The following EYA2 variants were observed in gnomAD, a reference collection of about 807,000 sequenced individuals.
EYA2 encodes the protein protein phosphatase EYA2.
Under a neutral mutation model 69.2 loss-of-function variants are expected in EYA2, and 31 were observed. The ratio of observed to expected loss-of-function variants is 0.45; its 90% CI spans 0.34 to 0.60. The LOEUF is 0.60. EYA2 is among the 20% of genes least tolerant of loss of function. The pLI is 0.02. For synonymous variants in EYA2, 257 were observed against 279.4 expected, an observed-to-expected ratio of 0.92 and a Z score of 0.80; for missense variants, 622 against 701.2, an observed-to-expected ratio of 0.89 and a Z score of 1.28.
chr20:47,097,554 G>A (rs549458324), intron 9 of EYA2, among the ~76,000 whole-genome samples: 40 of 152,290 alleles, frequency 2.6e-4, no homozygotes, highest in Non-Finnish European at 4.6e-4. Context: ...AGTGTCTCCG[G>A]CAGATGAATT....
rs1425427716 is a variant in EYA2, at chr20:47,188,384, T to C, written c.*251T>C. 3.4e-6 allele frequency: 2 copies of C among 583,348 alleles called. No individual in the cohort carries two copies. The highest frequency in any genetic ancestry group is 3.0e-5 in the Admixed American group (1 of 33,800). 36.1% of individuals were successfully genotyped at this position (583,348 alleles called of 1,614,324 possible). ...AGGGCTGGCTCGGAGTCTAGACTCT[T>C]CTGTAAGACTCACAGAACAAAAGCA... On this transcript the variant is annotated 3_prime_UTR_variant, in exon 16 of 16. Transcript: ENST00000327619.
chr20:47,152,752 G>A (rs145211084), intron 10 of EYA2, among the ~76,000 whole-genome samples: 2,700 of 151,262 alleles, frequency 0.018, 80 homozygotes, highest in African/African-American at 0.061. Context: ...CAATGGTCGC[G>A]GTGAGCCGAG....
intron 1 of EYA2, among the ~76,000 whole-genome samples, chr20:46,930,678 G>T (rs935786089): frequency 6.6e-6 from 1 of 152,150 alleles, no homozygotes; most frequent in Non-Finnish European, 1.5e-5. Flanking sequence ...CTAAAAAAAG[G>T]CACACTTGCA....
intron 2 of EYA2, among the ~76,000 whole-genome samples, chr20:46,999,885 G>T (rs2146342993): frequency 6.6e-6 from 1 of 152,312 alleles, no homozygotes; most frequent in East Asian, 1.9e-4. Flanking sequence ...CGTGCTCAGA[G>T]CGCTGTTGTG....
rs191107991 is a variant in EYA2, at chr20:47,137,305, C to T, written c.889-5754C>T. 1.4e-4 allele frequency among the ~76,000 whole-genome samples: 22 copies of T among 152,160 alleles called. 1 individual carries two copies. In the East Asian group the frequency reaches 3.9e-3, roughly 27 times the overall value. ...TGATGTGGGGTCTTCCTGCTGGGTTCGCAGAAACGATTCTTTGCTTAAAGG... is the reference window on the plus strand; with the variant it reads ...TGATGTGGGGTCTTCCTGCTGGGTTTGCAGAAACGATTCTTTGCTTAAAGG... On this transcript the variant is annotated intron_variant, in intron 9 of 15. Coordinates refer to ENST00000327619, the MANE Select transcript of EYA2 (RefSeq NM_005244.5).
rs758321256 is a variant in EYA2 at position 47,169,211 on chromosome 20, G to A, written c.1037+14G>A. On this transcript the variant is annotated intron_variant, in intron 11 of 15. Transcript: ENST00000327619. ...CCAAGATTTAAGGTGGGAATTTGGGGAGTCAAAAATGCCCATTGATTGATT... is the reference window on the plus strand; with the variant it reads ...CCAAGATTTAAGGTGGGAATTTGGGAAGTCAAAAATGCCCATTGATTGATT... The A allele has an allele frequency of 6.2e-7, 1 of 1,612,966 alleles. No homozygotes were observed. The highest frequency in any genetic ancestry group is 1.3e-5 in the African/African-American group (1 of 74,986).
chr20:46,981,229 T>C (rs2146313223), intron 1 of EYA2, among the ~76,000 whole-genome samples: 1 of 152,326 alleles, frequency 6.6e-6, no homozygotes, highest in Non-Finnish European at 1.5e-5. Context: ...TCAGGAAAAT[T>C]GCCTGGTGTA....
intron 12 of EYA2, among the ~76,000 whole-genome samples, chr20:47,178,867 G>A (rs942996177): frequency 1.8e-5 from 2 of 111,504 alleles, no homozygotes; most frequent in Non-Finnish European, 3.8e-5. Context: ...TAGATACGTG[G>A]GTAGGTGGAT....
At chr20:46,996,631 C>T (rs1982038120) in intron 2 of EYA2, among the ~76,000 whole-genome samples, 1 of 152,102 alleles carries the variant, frequency 6.6e-6, no homozygotes, top group African/African-American at 2.4e-5. Context: ...CAGGAGGCTT[C>T]GGGTCCATAA....
Position 47,156,061 on chromosome 20 carries a change from CATACACACACACACACAT to C in EYA2, c.978+12917_978+12934del, listed in dbSNP as rs2146621874. On this transcript the variant is annotated intron_variant, in intron 10 of 15. Transcript: ENST00000327619. The stretch of plus-strand genomic sequence containing the variant: ...ACACACACACACACACATATATATA[CATACACACACACACACAT>C]ATATATACATACACACACACACACA... 2.6e-5 allele frequency among the ~76,000 whole-genome samples: 2 copies of C among 78,116 alleles called. 1 individual carries two copies. The highest frequency in any genetic ancestry group is 8.1e-4 in the South Asian group (2 of 2,468). 51.2% of individuals were successfully genotyped at this position (78,116 alleles called of 152,430 possible). A position where few individuals can be genotyped will look rare whatever the true frequency, so the allele number is the denominator to read the frequency against.
intron 4 of EYA2, among the ~76,000 whole-genome samples, chr20:47,007,452 A>G (rs1982785979): frequency 6.6e-6 from 1 of 152,132 alleles, no homozygotes; most frequent in South Asian, 2.1e-4. Flanking sequence ...TGAGAAGACT[A>G]ATGGCTGGAG....
At chr20:47,130,659 C>A (rs1482525169) in intron 9 of EYA2, among the ~76,000 whole-genome samples, 1 of 152,174 alleles carries the variant, frequency 6.6e-6, no homozygotes, top group Non-Finnish European at 1.5e-5. Context: ...GATACTACCA[C>A]CCACTTCTCA....
At chr20:46,976,587 G>T (rs1051142278) in intron 1 of EYA2, among the ~76,000 whole-genome samples, 1 of 152,102 alleles carries the variant, frequency 6.6e-6, no homozygotes, top group African/African-American at 2.4e-5. Context: ...GGGTTTCACC[G>T]TGTTAGCCAG....
intron 5 of EYA2, among the ~76,000 whole-genome samples, chr20:47,022,470 C>T (rs1983811968): frequency 6.6e-6 from 1 of 151,812 alleles, no homozygotes; most frequent in African/African-American, 2.4e-5. Flanking sequence ...CCTGCCACCA[C>T]ACCTGGCTAA....
At chr20:47,087,411 G>T (rs551678876) in intron 7 of EYA2, among the ~76,000 whole-genome samples, 7 of 152,320 alleles carry the variant, frequency 4.6e-5, no homozygotes, top group South Asian at 4.1e-4. Context: ...GAAGGTTCAC[G>T]CTGTTTTACA....
intron 5 of EYA2, among the ~76,000 whole-genome samples, chr20:47,066,529 C>T (rs73909623): frequency 3.6e-3 from 546 of 152,238 alleles, no homozygotes; most frequent in African/African-American, 0.012. Context: ...AGTCTGCAAA[C>T]GTGATGGGGG....
At chr20:47,049,598 C>T (rs757378378) in intron 5 of EYA2, among the ~76,000 whole-genome samples, 22 of 55,638 alleles carry the variant, frequency 4.0e-4, no homozygotes, top group Admixed American at 1.9e-4. Context: ...TGTGACACCC[C>T]CTGCTCCATG....
intron 9 of EYA2, among the ~76,000 whole-genome samples, chr20:47,105,773 C>A (rs1954165): frequency 0.98 from 149,531 of 152,328 alleles, 73,434 homozygotes; most frequent in East Asian, 1. Flanking sequence ...CAGGATTAGC[C>A]TTTTGTAGGC....
chr20:47,039,064 T>A (rs555093889), intron 5 of EYA2, among the ~76,000 whole-genome samples: 31 of 152,130 alleles, frequency 2.0e-4, no homozygotes, highest in African/African-American at 7.5e-4. Context: ...CTGTGTCCTG[T>A]CCCTGAAATG....
Sources: allele counts gnomAD v4.1 joint callset (sites outside exome capture counted in the v4.1 genomes callset), GRCh38; gene constraint gnomAD v4.1.1; transcripts MANE v1.5; gene names NCBI Gene and HGNC (gene_info 2026-07-23, HGNC 2026-07-21).